Variants in SYNDIG1 observed in about 807,000 individuals in gnomAD.
SYNDIG1 encodes the protein synapse differentiation-inducing gene protein 1.
SYNDIG1 carries 9 observed loss-of-function variants against 19.4 expected under a neutral mutation model. The observed-to-expected ratio is 0.46, with a 90% CI of 0.28 to 0.81. SYNDIG1 has a LOEUF of 0.81. Among genes scored for constraint, SYNDIG1 ranks in the 30% least tolerant of loss-of-function variants. The probability of loss-of-function intolerance (pLI) is 0.12; values close to 1 mark genes in which losing one functional copy is unlikely to be tolerated. For missense variants in SYNDIG1, 311 were observed against 343.3 expected, an observed-to-expected ratio of 0.91 and a Z score of 0.74; for synonymous variants, 141 against 145.9, an observed-to-expected ratio of 0.97 and a Z score of 0.24.
At chr20:24,472,643 C>T (rs1210659396) in intron 1 of SYNDIG1, among the ~76,000 whole-genome samples, 1 of 152,150 alleles carries the variant, frequency 6.6e-6, no homozygotes, top group Non-Finnish European at 1.5e-5. Context: ...CTGCTCTGCC[C>T]TCTGAAAAGG....
intron 1 of SYNDIG1, among the ~76,000 whole-genome samples, chr20:24,516,519 A>G (rs2056868097): frequency 6.6e-6 from 1 of 152,256 alleles, no homozygotes; most frequent in South Asian, 2.1e-4. Flanking sequence ...ATATGAACAG[A>G]CACTTGTCAA....
At chr20:24,489,390 TACAG>T (rs1454994882) in intron 1 of SYNDIG1, among the ~76,000 whole-genome samples, 5 of 145,706 alleles carry the variant, frequency 3.4e-5, no homozygotes, top group African/African-American at 7.9e-5. Flanking sequence ...TGGACACAGA[TACAG>T]ACACATGTGC....
intron 3 of SYNDIG1, among the ~76,000 whole-genome samples, chr20:24,604,697 C>T (rs1159281255): frequency 6.6e-6 from 1 of 152,178 alleles, no homozygotes; most frequent in South Asian, 2.1e-4. Flanking sequence ...ACCAGCAGCC[C>T]TCCCTTGGGG....
rs554051813 is a variant in SYNDIG1, at chr20:24,637,268, CTG to C, written c.619-28075_619-28074del. The stretch of plus-strand genomic sequence containing the variant: ...AACAGCGAGCAAGAAACCCAGCACT[CTG>C]TGGTGTGTCTCATATGGTAATTACA... On this transcript the variant is annotated intron_variant, in intron 3 of 3. Coordinates refer to ENST00000376862, the MANE Select transcript of SYNDIG1 (RefSeq NM_024893.3). 2.1e-4 allele frequency among the ~76,000 whole-genome samples: 32 copies of C among 152,338 alleles called. 1 individual carries two copies. In the East Asian group the frequency reaches 6.0e-3, roughly 28 times the overall value.
At chr20:24,637,756 G>A (rs772658427) in intron 3 of SYNDIG1, among the ~76,000 whole-genome samples, 3 of 152,204 alleles carry the variant, frequency 2.0e-5, no homozygotes, top group Non-Finnish European at 4.4e-5. Flanking sequence ...GTCACCAAGA[G>A]CCTCAGTCAC....
intron 3 of SYNDIG1, among the ~76,000 whole-genome samples, chr20:24,659,036 C>G (rs1043623474): frequency 3.3e-5 from 5 of 152,056 alleles, no homozygotes; most frequent in Non-Finnish European, 4.4e-5. Context: ...CCTCTCACCC[C>G]CCTCCTTTCC....
At chr20:24,663,131 CA>C (rs1468412994) in intron 3 of SYNDIG1, among the ~76,000 whole-genome samples, 3 of 152,162 alleles carry the variant, frequency 2.0e-5, no homozygotes, top group African/African-American at 7.2e-5. Context: ...CTCTGCCTTG[CA>C]GGAGTGGGCA....
intron 1 of SYNDIG1, among the ~76,000 whole-genome samples, chr20:24,531,423 A>T (rs987185838): frequency 1.2e-4 from 18 of 152,082 alleles, no homozygotes; most frequent in East Asian, 1.9e-4. Context: ...ATAGACTTTT[A>T]AAAAAAATCT....
intron 1 of SYNDIG1, among the ~76,000 whole-genome samples, chr20:24,534,263 G>C (rs1002128014): frequency 6.6e-6 from 1 of 152,086 alleles, no homozygotes; most frequent in Non-Finnish European, 1.5e-5. Context: ...TCCCTAATCC[G>C]AGGGCCTAAG....
At chr20:24,500,521 TC>T (rs2056425090) in intron 1 of SYNDIG1, among the ~76,000 whole-genome samples, 1 of 143,964 alleles carries the variant, frequency 6.9e-6, no homozygotes, top group African/African-American at 2.6e-5. Flanking sequence ...TTTCTTTCTT[TC>T]TTTCTTTCTT....
intron 1 of SYNDIG1, among the ~76,000 whole-genome samples, chr20:24,504,680 C>T (rs1229070216): frequency 6.6e-6 from 1 of 152,204 alleles, no homozygotes; most frequent in African/African-American, 2.4e-5. Flanking sequence ...AGAACAGCTT[C>T]TACTTCAAAG....
Position 24,637,600 on chromosome 20 carries a change from G to A in SYNDIG1, c.619-27746G>A, listed in dbSNP as rs866189666. On this transcript the variant is annotated intron_variant, in intron 3 of 3. Transcript: ENST00000376862. ...CTAAAATGCTGATATTCCTAGATGT[G>A]ATACAGATCAAGTCACTAAAGTCCT... Among the ~76,000 whole-genome samples, 7 of 152,314 alleles carry A rather than the reference G, an allele frequency of 4.6e-5. No individual in the cohort carries two copies. The South Asian group carries it at 1.2e-3, about 27-fold the overall frequency.
chr20:24,481,694 G>C (rs1192495333), intron 1 of SYNDIG1, among the ~76,000 whole-genome samples: 2 of 152,224 alleles, frequency 1.3e-5, no homozygotes, highest in Non-Finnish European at 2.9e-5. Context: ...GTCAGACAGA[G>C]AGCTCTGAAA....
intron 3 of SYNDIG1, among the ~76,000 whole-genome samples, chr20:24,589,806 C>G (rs544588164): frequency 6.6e-6 from 1 of 152,242 alleles, no homozygotes; most frequent in East Asian, 1.9e-4. Flanking sequence ...ATAGTACCAG[C>G]AAAGGGAATT....
chr20:24,487,953 C>T (rs1448251598), intron 1 of SYNDIG1, among the ~76,000 whole-genome samples: 3 of 152,178 alleles, frequency 2.0e-5, no homozygotes, highest in African/African-American at 4.8e-5. Flanking sequence ...TGCCGATCTA[C>T]TCCAGCTGAC....
At chr20:24,642,171 A>G (rs1198542374) in intron 3 of SYNDIG1, among the ~76,000 whole-genome samples, 1 of 152,188 alleles carries the variant, frequency 6.6e-6, no homozygotes, top group Admixed American at 6.5e-5. Context: ...AGTTTCTCAA[A>G]TAAGTTTCCT....
At chr20:24,575,669 ACTGGAT>A (rs1328485219) in intron 2 of SYNDIG1, among the ~76,000 whole-genome samples, 63 of 152,320 alleles carry the variant, frequency 4.1e-4, no homozygotes, top group African/African-American at 1.4e-3. Flanking sequence ...TATGCACCTA[ACTGGAT>A]TATTTTCTTC....
chr20:24,627,624 T>C (rs1245287751), intron 3 of SYNDIG1, among the ~76,000 whole-genome samples: 1 of 152,240 alleles, frequency 6.6e-6, no homozygotes, highest in Non-Finnish European at 1.5e-5. Context: ...CATGAAGCCT[T>C]CCCCGGTTCC....
chr20:24,618,483 G>T (rs2058984485), intron 3 of SYNDIG1, among the ~76,000 whole-genome samples: 1 of 152,114 alleles, frequency 6.6e-6, no homozygotes, highest in Non-Finnish European at 1.5e-5. Context: ...TCTTGTCGGG[G>T]TCATTTCTGA....
Sources: allele counts gnomAD v4.1 joint callset (sites outside exome capture counted in the v4.1 genomes callset), GRCh38; gene constraint gnomAD v4.1.1; transcripts MANE v1.5; gene names NCBI Gene and HGNC (gene_info 2026-07-23, HGNC 2026-07-21).